The following KIAA0319 variants were observed in gnomAD, a reference collection of about 807,000 sequenced individuals.
KIAA0319 encodes the protein dyslexia-associated protein KIAA0319.
KIAA0319 carries 83 observed loss-of-function variants against 108.4 expected under a neutral mutation model. The ratio of observed to expected loss-of-function variants is 0.77; its 90% CI spans 0.64 to 0.92. The LOEUF is 0.92. Ranked by LOEUF, KIAA0319 falls within the 40% of genes least tolerant of loss-of-function variation. The pLI is 0.00. For missense variants in KIAA0319, 1,195 were observed against 1,322.4 expected (o/e 0.90, Z 1.49); for synonymous variants, 484 against 510.4 (o/e 0.95, Z 0.70).
At chr6:24,614,498 AC>A (rs1047161684) in intron 1 of KIAA0319, among the ~76,000 whole-genome samples, 1 of 152,088 alleles carries the variant, frequency 6.6e-6, no homozygotes, top group African/African-American at 2.4e-5. Context: ...TGTAAAAACT[AC>A]CATTCATTCC....
intron 4 of KIAA0319, 43 bp from the exon 5 acceptor site, chr6:24,583,745 ATG>A: frequency 1.7e-6 from 2 of 1,209,512 alleles, no homozygotes; most frequent in East Asian, 2.3e-5. Flanking sequence ...ATATAATATA[ATG>A]TGTTACATTA....
chr6:24,571,813 T>C (rs1359568952), intron 11 of KIAA0319, among the ~76,000 whole-genome samples: 1 of 152,228 alleles, frequency 6.6e-6, no homozygotes, highest in Non-Finnish European at 1.5e-5. Context: ...CTTGAGCTCA[T>C]GTACGAGCTC....
At position 24,563,837 on chromosome 6, in the gene KIAA0319, C is replaced by T. The variant is rs537444347; in HGVS notation, c.2432-319G>A. On this transcript the variant is annotated intron_variant, in intron 15 of 20. Coordinates refer to ENST00000378214, the MANE Select transcript of KIAA0319 (RefSeq NM_014809.4). Reference sequence around the variant, plus strand: ...GAAAGAGAATTTTGCTTCCAAGTGCCAATGGGCACTTCCCAGTCCAGTTTA... The same window carrying T: ...GAAAGAGAATTTTGCTTCCAAGTGCTAATGGGCACTTCCCAGTCCAGTTTA... Among the ~76,000 whole-genome samples, 4 of 152,284 alleles carry T rather than the reference C, an allele frequency of 2.6e-5. No individual in the cohort carries two copies. The South Asian group carries it at 8.3e-4, about 32-fold the overall frequency.
intron 3 of KIAA0319, among the ~76,000 whole-genome samples, chr6:24,590,473 G>A (rs560132538): frequency 6.6e-6 from 1 of 152,256 alleles, no homozygotes; most frequent in East Asian, 1.9e-4. Flanking sequence ...TATAGATTAA[G>A]CTGTTCATTG....
chr6:24,553,702 T>C (rs899670806), intron 19 of KIAA0319, among the ~76,000 whole-genome samples: 9 of 152,178 alleles, frequency 5.9e-5, no homozygotes, highest in Admixed American at 5.9e-4. Flanking sequence ...CTCAGCCTGT[T>C]AGTATCACAT....
intron 12 of KIAA0319, among the ~76,000 whole-genome samples, chr6:24,569,222 G>A (rs1425921351): frequency 3.9e-5 from 6 of 152,082 alleles, no homozygotes; most frequent in Non-Finnish European, 8.8e-5. Flanking sequence ...CCTTAGAAAC[G>A]ACTCCCATTT....
chr6:24,580,882 G>A (rs1401041843), intron 7 of KIAA0319, 44 bp downstream of exon 7: 2 of 1,324,396 alleles, frequency 1.5e-6, no homozygotes, highest in Non-Finnish European at 2.2e-6. Flanking sequence ...CAAAAATTGA[G>A]ATAAATATGT....
intron 1 of KIAA0319, among the ~76,000 whole-genome samples, chr6:24,614,546 T>C (rs1772870457): frequency 6.6e-6 from 1 of 152,034 alleles, no homozygotes. Flanking sequence ...TTAGTTTTAA[T>C]CCTTCGGGAA....
At chr6:24,561,643 A>G (rs1172097393) in intron 16 of KIAA0319, among the ~76,000 whole-genome samples, 1 of 151,890 alleles carries the variant, frequency 6.6e-6, no homozygotes, top group Non-Finnish European at 1.5e-5. Context: ...CAACCTCCCA[A>G]GTGATCCTCT....
intron 1 of KIAA0319, among the ~76,000 whole-genome samples, chr6:24,615,791 T>C (rs1048024850): frequency 1.3e-5 from 2 of 152,192 alleles, no homozygotes; most frequent in African/African-American, 4.8e-5. Context: ...AAACATTCTC[T>C]TTTGCATCTT....
chr6:24,599,360 G>A lies in KIAA0319; in HGVS notation c.55+1689C>T. The A allele has an allele frequency of 1.9e-6, 1 of 527,998 alleles. No individual in the cohort carries two copies. Among genetic ancestry groups the A allele is most frequent in the Admixed American group, 2.3e-5 (1 of 43,816 alleles). 32.7% of individuals were successfully genotyped at this position (527,998 alleles called of 1,614,324 possible). ...GGGCTTCCCTAGAGGCCACCATTGT[G>A]GATGCGGAGAAGCGTGGGGAGCTGG... On this transcript the variant is annotated intron_variant, in intron 2 of 20. Transcript: ENST00000378214. This position sits in a 1 kb window ranked among gnomAD's most constrained non-coding sequence, Gnocchi z 4.1.
chr6:24,640,440 T>C (rs1383302545), intron 1 of KIAA0319, among the ~76,000 whole-genome samples: 3 of 152,136 alleles, frequency 2.0e-5, no homozygotes, highest in African/African-American at 7.2e-5. Flanking sequence ...TTGGCATATT[T>C]TGAGTGGTTC....
At chr6:24,620,597 G>A (rs1380177889) in intron 1 of KIAA0319, among the ~76,000 whole-genome samples, 3 of 152,104 alleles carry the variant, frequency 2.0e-5, no homozygotes, top group Admixed American at 1.3e-4. Flanking sequence ...CACTGCTCCC[G>A]GCCCCATACT....
chr6:24,570,172 G>T, intron 11 of KIAA0319, 137 bp from the exon 12 acceptor site: 1 of 797,852 alleles, frequency 1.3e-6, no homozygotes, highest in Non-Finnish European at 2.0e-6. Context: ...TTGGAATCCT[G>T]GAGTGAAGCA....
chr6:24,563,010 C>T (rs758579159), intron 16 of KIAA0319, among the ~76,000 whole-genome samples: 2 of 152,126 alleles, frequency 1.3e-5, no homozygotes, highest in South Asian at 2.1e-4. Context: ...TCCCCATGAA[C>T]GTGGGGCAGG....
rs79164114 is a variant in KIAA0319, at chr6:24,581,255, G to A, written c.1192-242C>T. 2.4e-3 allele frequency among the ~76,000 whole-genome samples: 366 copies of A among 152,278 alleles called. 1 individual carries two copies. The highest frequency in any genetic ancestry group is 8.4e-3 in the African/African-American group (351 of 41,558). ...TGCAGAGGGCTTCAAAGAGGCCTGG[G>A]TGAGATGGACCAGCAGAGGGCAGCA... is the stretch of plus-strand genomic sequence containing the variant. On this transcript the variant is annotated intron_variant, in intron 6 of 20. Coordinates refer to ENST00000378214, the MANE Select transcript of KIAA0319 (RefSeq NM_014809.4).
At chr6:24,611,776 G>A (rs1321477131) in intron 1 of KIAA0319, among the ~76,000 whole-genome samples, 3 of 151,984 alleles carry the variant, frequency 2.0e-5, no homozygotes, top group African/African-American at 7.3e-5. Flanking sequence ...TCAGGCCCGG[G>A]GGCACAGTTG....
At chr6:24,614,999 C>G (rs902898604) in intron 1 of KIAA0319, among the ~76,000 whole-genome samples, 1 of 151,718 alleles carries the variant, frequency 6.6e-6, no homozygotes, top group Non-Finnish European at 1.5e-5. Flanking sequence ...AGTAAGAGCT[C>G]AAAATTTATT....
At chr6:24,611,897 A>T (rs1325843128) in intron 1 of KIAA0319, among the ~76,000 whole-genome samples, 2 of 151,954 alleles carry the variant, frequency 1.3e-5, no homozygotes, top group East Asian at 3.9e-4. Context: ...CTTAAAAAAA[A>T]ATAATTAGTG....
Sources: allele counts gnomAD v4.1 joint callset (sites outside exome capture counted in the v4.1 genomes callset), GRCh38; gene constraint gnomAD v4.1.1; non-coding constraint Gnocchi (gnomAD v3.1); transcripts MANE v1.5; gene names NCBI Gene and HGNC (gene_info 2026-07-23, HGNC 2026-07-21).